Variants in ANK1 observed in about 807,000 individuals in gnomAD.
ANK1 encodes ankyrin-1.
Under a neutral mutation model 210.4 loss-of-function variants are expected in ANK1, and 51 were observed. The observed-to-expected ratio is 0.24, with a 90% CI of 0.19 to 0.31. ANK1 has a LOEUF of 0.31. Among genes scored for constraint, ANK1 ranks in the 10% least tolerant of loss-of-function variants. The pLI is 1.00. For missense variants in ANK1, 2,051 were observed against 2,504.4 expected (o/e 0.82, Z 3.86); for synonymous variants, 967 against 1,025.9 (o/e 0.94, Z 1.10).
intron 1 of ANK1, among the ~76,000 whole-genome samples, chr8:41,826,851 A>T (rs1341773185): frequency 1.3e-5 from 2 of 152,036 alleles, no homozygotes; most frequent in Non-Finnish European, 2.9e-5. Flanking sequence ...TTGGATCTCC[A>T]TGTGAGTTTT....
Position 41,716,021 on chromosome 8 carries a change from C to T in ANK1, c.1405-172G>A, listed in dbSNP as rs529566507. 3.3e-5 allele frequency among the ~76,000 whole-genome samples: 5 copies of T among 152,298 alleles called. No homozygotes were observed. The East Asian group carries it at 9.7e-4, about 29-fold the overall frequency. ...GAATCAAGTCTCTGAGTTACAGGAA[C>T]CAATATGCTGTATCCTACTGAATCC... On this transcript the variant is annotated intron_variant, in intron 13 of 42. Coordinates refer to ENST00000289734, the MANE Select transcript of ANK1 (RefSeq NM_000037.4).
chr8:41,834,009 G>T (rs1807156610), intron 1 of ANK1, among the ~76,000 whole-genome samples: 1 of 152,224 alleles, frequency 6.6e-6, no homozygotes, highest in Non-Finnish European at 1.5e-5. Context: ...AACCGCTGGA[G>T]TACATGGGGA....
chr8:41,684,211 C>A (rs539187030), intron 37 of ANK1, among the ~76,000 whole-genome samples: 58 of 152,214 alleles, frequency 3.8e-4, no homozygotes, highest in Non-Finnish European at 7.8e-4. Flanking sequence ...TGTGTAGGGG[C>A]AGTCTCTAGC....
At chr8:41,706,321 G>A in intron 17 of ANK1, 80 bp from the exon 18 acceptor site, 1 of 1,335,842 alleles carries the variant, frequency 7.5e-7, no homozygotes, top group Non-Finnish European at 1.0e-6. Context: ...AGGTCTGGGA[G>A]CTGAAGCTAA....
chr8:41,837,371 C>T (rs1481217620), intron 1 of ANK1, among the ~76,000 whole-genome samples: 1 of 152,152 alleles, frequency 6.6e-6, no homozygotes, highest in Non-Finnish European at 1.5e-5. Flanking sequence ...TTTTTTATTA[C>T]TTGCGCTGTG....
intron 1 of ANK1, among the ~76,000 whole-genome samples, chr8:41,808,929 T>C (rs1461342801): frequency 1.3e-5 from 2 of 152,340 alleles, no homozygotes; most frequent in East Asian, 3.9e-4. Context: ...AATGAGTGTT[T>C]CTCTGCACCG....
At chr8:41,884,502 C>T (rs1160488011) in intron 1 of ANK1, among the ~76,000 whole-genome samples, 1 of 152,042 alleles carries the variant, frequency 6.6e-6, no homozygotes, top group Admixed American at 6.5e-5. Flanking sequence ...TATCTCAGAC[C>T]CAGACTCAGG....
rs540829940 is a variant in ANK1 at position 41,846,606 on chromosome 8, C to G, written c.126+49749G>C. On this transcript the variant is annotated intron_variant, in intron 1 of 42. Coordinates refer to the ANK1 transcript ENST00000265709. ...GTGCAAGTTTTTGCTTTGGCTTGGG[C>G]AATAGCCAATCCCCCAAAACACATT... Among the ~76,000 whole-genome samples, 13 of 152,350 alleles carry G rather than the reference C, an allele frequency of 8.5e-5. No homozygotes were observed. The South Asian group carries it at 2.7e-3, about 32-fold the overall frequency.
At chr8:41,831,492 A>G (rs983513454) in intron 1 of ANK1, among the ~76,000 whole-genome samples, 3 of 152,066 alleles carry the variant, frequency 2.0e-5, no homozygotes, top group Non-Finnish European at 4.4e-5. Context: ...TACTAAAACT[A>G]CAAAAATTGG....
intron 37 of ANK1, among the ~76,000 whole-genome samples, chr8:41,676,759 G>T (rs956789121): frequency 6.6e-6 from 1 of 152,142 alleles, no homozygotes; most frequent in African/African-American, 2.4e-5. Context: ...TGTATACAAG[G>T]TAATAATCCA....
At chr8:41,809,682 C>A (rs1392291149) in intron 1 of ANK1, among the ~76,000 whole-genome samples, 1 of 152,122 alleles carries the variant, frequency 6.6e-6, no homozygotes, top group African/African-American at 2.4e-5. Flanking sequence ...GCAGGAGGGT[C>A]GCTTGAGCCC....
intron 22 of ANK1, among the ~76,000 whole-genome samples, chr8:41,700,795 C>T (rs779342492): frequency 5.9e-5 from 9 of 152,118 alleles, no homozygotes; most frequent in Non-Finnish European, 1.3e-4. Flanking sequence ...CAGGGTCTTG[C>T]TCTGTCACCC....
chr8:41,893,559 G>A (rs1312115687), intron 1 of ANK1, among the ~76,000 whole-genome samples: 2 of 152,182 alleles, frequency 1.3e-5, no homozygotes, highest in African/African-American at 2.4e-5. Context: ...TGCAACCATC[G>A]CCAAAGTTAC....
At chr8:41,669,760 C>G (rs1013271446) in intron 38 of ANK1, among the ~76,000 whole-genome samples, 1 of 152,202 alleles carries the variant, frequency 6.6e-6, no homozygotes, top group African/African-American at 2.4e-5. Flanking sequence ...GCCGTCCCAG[C>G]CCACAAGCCC....
At chr8:41,683,327 A>G (rs1407523458) in intron 37 of ANK1, among the ~76,000 whole-genome samples, 2 of 152,224 alleles carry the variant, frequency 1.3e-5, no homozygotes, top group East Asian at 3.9e-4. Context: ...TGATCAGCAG[A>G]TGGGCCCTGC....
chr8:41,664,094 C>T (rs1809508968), intron 39 of ANK1: 2 of 473,484 alleles, frequency 4.2e-6, no homozygotes, highest in African/African-American at 2.0e-5. Flanking sequence ...CAGCACTTTG[C>T]AGTATAGAAA....
chr8:41,783,837 A>G (rs1221124476), intron 1 of ANK1, among the ~76,000 whole-genome samples: 1 of 152,158 alleles, frequency 6.6e-6, no homozygotes, highest in Non-Finnish European at 1.5e-5. Flanking sequence ...CCAAAGTGGG[A>G]GGATCATTTG....
chr8:41,845,032 T>C lies in ANK1; in HGVS notation c.126+51323A>G, dbSNP rs571255684. Among the ~76,000 whole-genome samples the C allele has an allele frequency of 3.9e-5, 6 of 152,296 alleles. No individual in the cohort carries two copies. In the East Asian group the frequency reaches 1.2e-3, roughly 29 times the overall value. ...CTCAGCAGATAGACCAAGTTCCTGT[T>C]TGTTTTGAAAGAGACACTACTCCTG... On this transcript the variant is annotated intron_variant, in intron 1 of 42. Transcript: ENST00000265709.
chr8:41,672,096 CTA>C (rs1263398614), intron 38 of ANK1, among the ~76,000 whole-genome samples: 1 of 152,228 alleles, frequency 6.6e-6, no homozygotes, highest in Non-Finnish European at 1.5e-5. Context: ...CCATATGTCC[CTA>C]TGTGTGCTCT....
Sources: allele counts gnomAD v4.1 joint callset (sites outside exome capture counted in the v4.1 genomes callset), GRCh38; gene constraint gnomAD v4.1.1; transcripts MANE v1.5; gene names NCBI Gene and HGNC (gene_info 2026-07-23, HGNC 2026-07-21).